Variants in GRID2 observed in about 807,000 individuals in gnomAD.
GRID2 encodes glutamate ionotropic receptor delta type subunit 2, also known as glutamate receptor ionotropic, delta-2.
In GRID2, 33 loss-of-function variants were observed where a neutral mutation model predicts 114.8. The observed-to-expected ratio is 0.29, with a 90% confidence interval of 0.22 to 0.38. GRID2 has a LOEUF of 0.38. Ranked by LOEUF, GRID2 falls within the 10% of genes least tolerant of loss-of-function variation. GRID2 has a pLI of 1.00. For missense variants in GRID2, 1,184 were observed against 1,257.7 expected (o/e 0.94, Z 0.89); for synonymous variants, 505 against 449.9 (o/e 1.12, Z -1.55).
chr4:93,532,473 A>G (rs1731545561), intron 13 of GRID2, among the ~76,000 whole-genome samples: 1 of 152,166 alleles, frequency 6.6e-6, no homozygotes, highest in Non-Finnish European at 1.5e-5. Context: ...TCTGCCTCAA[A>G]TTATACTGTC....
intron 1 of GRID2, among the ~76,000 whole-genome samples, chr4:92,318,954 A>C (rs987253225): frequency 3.9e-5 from 6 of 152,164 alleles, no homozygotes; most frequent in African/African-American, 1.4e-4. Context: ...ATCAAAGAGA[A>C]GAGAGGAAGG....
chr4:92,642,942 T>A (rs1448525402), intron 2 of GRID2, among the ~76,000 whole-genome samples: 1 of 151,776 alleles, frequency 6.6e-6, no homozygotes, highest in Non-Finnish European at 1.5e-5. Context: ...CTGTTTCTTA[T>A]TCTGATCTAT....
At chr4:93,076,610 CTTTTTTT>C (rs56357327) in intron 2 of GRID2, among the ~76,000 whole-genome samples, 10 of 96,996 alleles carry the variant, frequency 1.0e-4, no homozygotes, top group Middle Eastern at 7.7e-3. Flanking sequence ...TCACCAACCT[CTTTTTTT>C]TTTTTTTTTT....
rs757651512 is a variant in GRID2, at chr4:92,387,030, C to T, written c.88+82286C>T. 2.0e-4 allele frequency among the ~76,000 whole-genome samples: 31 copies of T among 151,826 alleles called. 1 individual carries two copies. The highest frequency in any genetic ancestry group is 4.4e-5 in the Non-Finnish European group (3 of 67,868). ...GCTGAACAAAACCTAACAGAAAAGA[C>T]GTTTTTGGTCAAATATATCAAATTA... On this transcript the variant is annotated intron_variant, in intron 1 of 15. Coordinates refer to ENST00000282020, the MANE Select transcript of GRID2 (RefSeq NM_001510.4).
At chr4:92,642,626 T>C (rs1371166164) in intron 2 of GRID2, among the ~76,000 whole-genome samples, 1 of 151,832 alleles carries the variant, frequency 6.6e-6, no homozygotes, top group East Asian at 1.9e-4. Context: ...GTTGTTTTTG[T>C]TGTTTTTTTT....
chr4:93,120,929 G>A (rs1382267834), intron 4 of GRID2, among the ~76,000 whole-genome samples: 5 of 151,926 alleles, frequency 3.3e-5, no homozygotes, highest in Non-Finnish European at 7.4e-5. Flanking sequence ...CTCCAGCCTG[G>A]GCGACAGTGC....
intron 8 of GRID2, among the ~76,000 whole-genome samples, chr4:93,334,338 G>A (rs187973457): frequency 1.3e-5 from 2 of 152,050 alleles, no homozygotes; most frequent in East Asian, 3.9e-4. Flanking sequence ...CCCTAGAGAT[G>A]AACCCTATGA....
chr4:93,677,278 G>A (rs1215599774), intron 14 of GRID2, among the ~76,000 whole-genome samples: 2 of 152,218 alleles, frequency 1.3e-5, no homozygotes, highest in Non-Finnish European at 2.9e-5. Context: ...CAGCTGGGAA[G>A]CTCGAACTGG....
At chr4:93,722,062 G>A (rs1358217801) in intron 14 of GRID2, among the ~76,000 whole-genome samples, 1 of 151,600 alleles carries the variant, frequency 6.6e-6, no homozygotes, top group Non-Finnish European at 1.5e-5. Flanking sequence ...GGGATTACAG[G>A]CATCCACCAC....
chr4:93,715,472 T>C (rs1006507949), intron 14 of GRID2, among the ~76,000 whole-genome samples: 3 of 152,216 alleles, frequency 2.0e-5, no homozygotes, highest in African/African-American at 7.2e-5. Flanking sequence ...GTGAAGAATG[T>C]CAATGGTAGT....
chr4:92,823,440 T>A (rs1330446746), intron 2 of GRID2, among the ~76,000 whole-genome samples: 1 of 152,130 alleles, frequency 6.6e-6, no homozygotes, highest in Non-Finnish European at 1.5e-5. Flanking sequence ...CCGTAATAGG[T>A]GACATGAGAG....
At chr4:93,596,602 G>A (rs1346510942) in intron 13 of GRID2, among the ~76,000 whole-genome samples, 1 of 152,052 alleles carries the variant, frequency 6.6e-6, no homozygotes, top group African/African-American at 2.4e-5. Flanking sequence ...AAGAAAAAAA[G>A]AAAAGAAAGG....
In GRID2 at chr4:93,110,886, A is replaced by G; in HGVS notation, c.668A>G (p.Tyr223Cys). 3 of 1,612,872 alleles carry G rather than the reference A, an allele frequency of 1.9e-6. No homozygotes were observed. The highest frequency in any genetic ancestry group is 2.5e-6 in the Non-Finnish European group (3 of 1,178,838). Residue 223 changes from tyrosine (Y) to cysteine (C), a missense_variant, in exon 4 of 16, where the codon TAT becomes TGT. Physicochemically the swap from Tyr to Cys is radical, Grantham distance 194. Coordinates refer to ENST00000282020, the MANE Select transcript of GRID2 (RefSeq NM_001510.4). ...ATGAGAATAGAAGAACTGAATCGCTATCGAGACACTCTTAGGCGAGCGATC... is the reference window on the plus strand; with the variant it reads ...ATGAGAATAGAAGAACTGAATCGCTGTCGAGACACTCTTAGGCGAGCGATC... ...DTMRIEELNR[Y>C]RDTLRRAILV...
intron 9 of GRID2, among the ~76,000 whole-genome samples, chr4:93,419,931 C>T (rs896134638): frequency 1.3e-5 from 2 of 151,994 alleles, no homozygotes; most frequent in African/African-American, 4.8e-5. Flanking sequence ...AGTATTTTTG[C>T]CACATCTATC....
intron 2 of GRID2, among the ~76,000 whole-genome samples, chr4:92,683,215 C>T (rs1212352792): frequency 6.6e-6 from 1 of 151,220 alleles, no homozygotes; most frequent in Non-Finnish European, 1.5e-5. Flanking sequence ...AGGAGAATCT[C>T]GTGAATCCAG....
chr4:92,441,223 A>C (rs1479486059), intron 1 of GRID2, among the ~76,000 whole-genome samples: 1 of 152,158 alleles, frequency 6.6e-6, no homozygotes, highest in African/African-American at 2.4e-5. Flanking sequence ...TCGGTCGGAC[A>C]AGATTGGCAG....
At chr4:93,377,136 G>A (rs968233772) in intron 8 of GRID2, among the ~76,000 whole-genome samples, 7 of 151,922 alleles carry the variant, frequency 4.6e-5, no homozygotes, top group African/African-American at 1.7e-4. Context: ...CCAAAGTAGG[G>A]GCAAGAAAGA....
chr4:93,357,859 G>A (rs996713342), intron 8 of GRID2, among the ~76,000 whole-genome samples: 3 of 151,464 alleles, frequency 2.0e-5, no homozygotes, highest in African/African-American at 4.8e-5. Flanking sequence ...ATTTCATTTT[G>A]TGTTTGTGCT....
intron 8 of GRID2, among the ~76,000 whole-genome samples, chr4:93,384,302 T>C (rs989130244): frequency 6.6e-6 from 1 of 152,148 alleles, no homozygotes; most frequent in African/African-American, 2.4e-5. Flanking sequence ...CTCCATCTCT[T>C]GAAAGAAGAA....
Sources: gnomAD v4.1 joint callset for allele counts (sites outside exome capture counted in the v4.1 genomes callset) on GRCh38, gnomAD v4.1.1 for gene constraint, MANE v1.5 for transcripts, NCBI Gene and HGNC (gene_info 2026-07-23, HGNC 2026-07-21) for gene names.